The following DMD variants were observed in gnomAD, a reference collection of about 807,000 sequenced individuals.
The protein encoded by DMD is mutant dystrophin.
In DMD, 63 loss-of-function variants were observed where a neutral mutation model predicts 330.1. That is an observed-to-expected ratio of 0.19 (90% confidence interval 0.16 to 0.24). DMD has a LOEUF of 0.24. Ranked by LOEUF, DMD falls within the 10% of genes least tolerant of loss-of-function variation. The pLI is 1.00. For synonymous variants in DMD, 1,223 were observed against 959.8 expected (o/e 1.27, Z -5.07); for missense variants, 3,344 against 2,684.1 (o/e 1.25, Z -5.43).
intron 44 of DMD, among the ~76,000 whole-genome samples, chrX:32,186,420 A>C (rs1390387489): frequency 9.0e-6 from 1 of 111,605 alleles, no homozygotes; most frequent in Non-Finnish European, 1.9e-5. Flanking sequence ...CTGCATTTTT[A>C]GTCCACCTTT....
chrX:32,536,693 C>G (rs1277074984), intron 17 of DMD, among the ~76,000 whole-genome samples: 1 of 111,986 alleles, frequency 8.9e-6, no homozygotes, highest in Non-Finnish European at 1.9e-5. Context: ...CTGGCTCAAG[C>G]TTCTTATCTC....
intron 47 of DMD, among the ~76,000 whole-genome samples, chrX:31,897,837 G>C (rs1478546332): frequency 9.1e-6 from 1 of 109,560 alleles, no homozygotes; most frequent in African/African-American, 3.3e-5. Context: ...TTTATCAGAT[G>C]AGTAGGTTGC....
At chrX:32,712,951 G>A (rs1306406592) in intron 7 of DMD, among the ~76,000 whole-genome samples, 2 of 111,002 alleles carry the variant, frequency 1.8e-5, no homozygotes, top group Non-Finnish European at 3.8e-5. Context: ...TGTGCCTTGG[G>A]TTTCCACAGT....
intron 7 of DMD, among the ~76,000 whole-genome samples, chrX:32,798,040 G>A (rs952082743): frequency 2.7e-5 from 3 of 111,796 alleles, no homozygotes; most frequent in African/African-American, 9.7e-5. Context: ...AGGGGAGATA[G>A]AAATTATAAA....
intron 44 of DMD, among the ~76,000 whole-genome samples, chrX:31,982,538 A>G (rs1484390787): frequency 8.1e-5 from 9 of 111,660 alleles, no homozygotes; most frequent in Admixed American, 7.6e-4. Context: ...CATTGTTTAC[A>G]TTTATTCTTT....
chrX:32,214,986 A>G (rs1285300389), intron 44 of DMD, among the ~76,000 whole-genome samples: 1 of 111,684 alleles, frequency 9.0e-6, no homozygotes, highest in Admixed American at 9.6e-5. Flanking sequence ...CAGTTATTAT[A>G]TCTGTATTCC....
intron 42 of DMD, among the ~76,000 whole-genome samples, chrX:32,291,863 T>C (rs1157235987): frequency 8.9e-6 from 1 of 111,873 alleles, no homozygotes; most frequent in Non-Finnish European, 1.9e-5. Context: ...TTTGGATACA[T>C]GGACTAGGCT....
intron 49 of DMD, among the ~76,000 whole-genome samples, chrX:31,825,116 G>C (rs1378651906): frequency 9.0e-6 from 1 of 111,491 alleles, no homozygotes; most frequent in Non-Finnish European, 1.9e-5. Flanking sequence ...TATTCTAAGA[G>C]ACTAGTGAGT....
chrX:32,790,570 C>T (rs989650888), intron 7 of DMD, among the ~76,000 whole-genome samples: 1 of 111,568 alleles, frequency 9.0e-6, no homozygotes, highest in African/African-American at 3.3e-5. Context: ...TAAAAATCTT[C>T]CCTATCTCCA....
At chrX:31,833,823 A>C (rs1182529762) in intron 49 of DMD, among the ~76,000 whole-genome samples, 1 of 111,426 alleles carries the variant, frequency 9.0e-6, no homozygotes, top group Non-Finnish European at 1.9e-5. Flanking sequence ...ATGTGTCTTT[A>C]ATTAGAATGT....
intron 18 of DMD, among the ~76,000 whole-genome samples, chrX:32,502,857 GC>G (rs1429699518): frequency 2.7e-5 from 3 of 111,156 alleles, no homozygotes; most frequent in African/African-American, 9.8e-5. Context: ...TGGACAGTCT[GC>G]ACCACTGTTG....
chrX:33,059,651 T>A (rs1018218014), intron 1 of DMD, among the ~76,000 whole-genome samples: 10 of 111,699 alleles, frequency 9.0e-5, no homozygotes, highest in Non-Finnish European at 1.9e-4. Context: ...ACCATCACCC[T>A]GTTCTGAAGC....
chrX:32,975,348 T>C (rs1187446160), intron 2 of DMD, among the ~76,000 whole-genome samples: 1 of 73,508 alleles, frequency 1.4e-5, no homozygotes, highest in African/African-American at 9.7e-5. Context: ...AAAAAATGCT[T>C]TTTTTTTTTT....
chrX:32,052,677 T>C, intron 44 of DMD, among the ~76,000 whole-genome samples: 1 of 111,606 alleles, frequency 9.0e-6, no homozygotes, highest in African/African-American at 3.2e-5. Context: ...ATTAGTTTAG[T>C]CAGGTAATCG....
chrX:33,291,628 T>G (rs1451675569), intron 1 of DMD, among the ~76,000 whole-genome samples: 1 of 111,590 alleles, frequency 9.0e-6, no homozygotes, highest in East Asian at 2.8e-4. Flanking sequence ...ATAATTTTAT[T>G]GCCAAGAGAT....
rs184594678 is a variant in DMD at position 31,726,138 on chromosome X, T to G, written c.7660+3493A>C. On this transcript the variant is annotated intron_variant, in intron 52 of 78. Transcript: ENST00000357033. ...TCATTTGATCTGATTTAGACAAAAT[T>G]TACTCTCTTACCTAGATTATTACTG... Among the ~76,000 whole-genome samples, 15 of 112,268 alleles carry G rather than the reference T, an allele frequency of 1.3e-4. 1 individual carries two copies. The East Asian group carries it at 3.9e-3, about 29-fold the overall frequency.
intron 20 of DMD, among the ~76,000 whole-genome samples, chrX:32,486,784 A>T (rs772372116): frequency 3.8e-5 from 4 of 104,100 alleles, no homozygotes; most frequent in African/African-American, 1.4e-4. Flanking sequence ...GTGCTGGGAA[A>T]ACTGGCTAGC....
intron 63 of DMD, among the ~76,000 whole-genome samples, chrX:31,234,025 A>C (rs1357593544): frequency 8.9e-6 from 1 of 112,026 alleles, no homozygotes; most frequent in African/African-American, 3.2e-5. Context: ...TGAAGACCTG[A>C]CAATAGAGAC....
At position 32,398,922 on chromosome X, in the gene DMD, C is replaced by T. The variant is rs187196991; in HGVS notation, c.4234-8741G>A. Among the ~76,000 whole-genome samples, 97 of 111,069 alleles carry T rather than the reference C, an allele frequency of 8.7e-4. No homozygotes were observed. The Middle Eastern group carries it at 0.014, about 16-fold the overall frequency. On this transcript the variant is annotated intron_variant, in intron 30 of 78. Coordinates refer to ENST00000357033, the MANE Select transcript of DMD (RefSeq NM_004006.3). ...CAGCCCAATAGAACAGAATAGAGAA[C>T]ACAGAGATAAATCCATACATCTACA...
Sources: gnomAD v4.1 joint callset for allele counts (sites outside exome capture counted in the v4.1 genomes callset) on GRCh38, gnomAD v4.1.1 for gene constraint, MANE v1.5 for transcripts, NCBI Gene and HGNC (gene_info 2026-07-23, HGNC 2026-07-21) for gene names.